Variants in BICDL1 observed in about 807,000 individuals in gnomAD.
The protein encoded by BICDL1 is BICD family like cargo adaptor 1.
BICDL1 carries 20 observed loss-of-function variants against 76.8 expected under a neutral mutation model. That is an observed-to-expected ratio of 0.26 (90% CI 0.18 to 0.38). The LOEUF (loss-of-function observed/expected upper bound fraction) is 0.38, where lower values mean the gene tolerates loss of function less well. BICDL1 is among the 10% of genes least tolerant of loss of function. The probability of loss-of-function intolerance (pLI) is 1.00; values close to 1 mark genes in which losing one functional copy is unlikely to be tolerated. For missense variants in BICDL1, 700 were observed against 798.6 expected, an observed-to-expected ratio of 0.88 and a Z score of 1.49; for synonymous variants, 383 against 337.1, an observed-to-expected ratio of 1.14 and a Z score of -1.49.
At chr12:120,034,504 C>T (rs148542549) in intron 2 of BICDL1, among the ~76,000 whole-genome samples, 4 of 152,278 alleles carry the variant, frequency 2.6e-5, no homozygotes, top group Admixed American at 6.5e-5. Flanking sequence ...CTTTATGACC[C>T]GTTTTGGGAT....
intron 2 of BICDL1, among the ~76,000 whole-genome samples, chr12:120,058,652 G>A (rs562313790): frequency 8.2e-4 from 121 of 148,072 alleles, no homozygotes; most frequent in African/African-American, 2.6e-3. Context: ...GTGCAGTGGC[G>A]CGATCTTGGC....
At chr12:120,065,273 C>T (rs1207502493) in intron 4 of BICDL1, among the ~76,000 whole-genome samples, 5 of 152,300 alleles carry the variant, frequency 3.3e-5, no homozygotes, top group African/African-American at 1.2e-4. Flanking sequence ...GCTGTCTTCC[C>T]AAGCTCATGG....
chr12:120,064,658 G>A, intron 3 of BICDL1, 75 bp from the exon 4 acceptor site: 1 of 1,431,506 alleles, frequency 7.0e-7, no homozygotes. Flanking sequence ...TTCATGTTTT[G>A]GGGCTAGTCC....
At position 120,092,809 on chromosome 12, in the gene BICDL1, A is replaced by G. The variant is rs377270187; in HGVS notation, c.1705-191A>G. 1.5e-5 allele frequency: 15 copies of G among 985,332 alleles called. No individual in the cohort carries two copies. In the South Asian group the frequency reaches 5.6e-4, roughly 37 times the overall value. 61.0% of individuals were successfully genotyped at this position (985,332 alleles called of 1,614,324 possible). ...CAAGCCTGAGGAGGCTGGAGGTGCC[A>G]TACGGCTCCTGCGTGCGCCTGGTGT... On this transcript the variant is annotated intron_variant, in intron 9 of 9. Coordinates refer to ENST00000548673, the MANE Select transcript of BICDL1 (RefSeq NM_001367886.1).
intron 2 of BICDL1, among the ~76,000 whole-genome samples, chr12:120,016,758 A>G (rs1952071019): frequency 6.6e-6 from 1 of 151,976 alleles, no homozygotes; most frequent in East Asian, 1.9e-4. Context: ...ACTTATTTTC[A>G]AAGAAGCTTG....
chr12:120,089,153 C>G (rs890311933), intron 8 of BICDL1, among the ~76,000 whole-genome samples: 1 of 152,242 alleles, frequency 6.6e-6, no homozygotes, highest in Non-Finnish European at 1.5e-5. Flanking sequence ...GGACAAGGTT[C>G]CTGCCTTCCA....
At chr12:120,008,136 G>A (rs1015801141) in intron 2 of BICDL1, among the ~76,000 whole-genome samples, 2 of 142,148 alleles carry the variant, frequency 1.4e-5, no homozygotes, top group African/African-American at 5.2e-5. Flanking sequence ...TGGAAGTCAT[G>A]ATAATTACTC....
chr12:120,025,190 A>G (rs1468458902), intron 2 of BICDL1, among the ~76,000 whole-genome samples: 1 of 151,730 alleles, frequency 6.6e-6, no homozygotes, highest in Non-Finnish European at 1.5e-5. Context: ...AGCTGGGACT[A>G]CAGGCGCCCG....
At chr12:120,021,766 G>A (rs916067338) in intron 2 of BICDL1, among the ~76,000 whole-genome samples, 4 of 149,826 alleles carry the variant, frequency 2.7e-5, no homozygotes, top group Non-Finnish European at 4.5e-5. Flanking sequence ...TTAGCTGGGC[G>A]TGGTGGCGCA....
At chr12:120,092,205 G>A (rs1339714990) in intron 9 of BICDL1, 2 of 985,338 alleles carry the variant, frequency 2.0e-6, no homozygotes, top group Admixed American at 1.2e-4. Flanking sequence ...GAGTGGAGCT[G>A]CCCTGTCCAC....
At chr12:120,045,775 G>C (rs1017048215) in intron 2 of BICDL1, among the ~76,000 whole-genome samples, 88 of 145,408 alleles carry the variant, frequency 6.1e-4, no homozygotes, top group African/African-American at 2.2e-3. Context: ...GTTGTGGGAT[G>C]GGGGGAGGGG....
chr12:120,081,145 A>ACCCCCG (rs1566266531), intron 8 of BICDL1, 128 bp downstream of exon 8: 1 of 533,400 alleles, frequency 1.9e-6, no homozygotes, highest in Admixed American at 3.9e-5. Flanking sequence ...CCCGCTACCC[A>ACCCCCG]CCCCCACCCC....
In BICDL1 at chr12:120,061,745, C is replaced by G; in HGVS notation, c.681C>G (p.Val227=). 2 of 1,614,162 alleles carry G rather than the reference C, an allele frequency of 1.2e-6. No homozygotes were observed. The highest frequency in any genetic ancestry group is 1.7e-6 in the Non-Finnish European group (2 of 1,179,996). The part of the protein sequence containing the change: ...SEVERQLSMQ[V]HALREDFREK... ...TTGAGAGACAACTCTCCATGCAGGT[C>G]CACGCCCTCAGAGAAGACTTTCGGG... Residue 227 remains valine, a synonymous_variant, in exon 3 of 10, where the codon GTC becomes GTG. Transcript: ENST00000548673.
At chr12:120,092,789 C>T (rs566576935) in intron 9 of BICDL1, 1 of 985,466 alleles carries the variant, frequency 1.0e-6, no homozygotes, top group East Asian at 1.1e-4. Context: ...CAGCCCAAGC[C>T]TGAGGAGGCT....
At chr12:120,004,141 C>T (rs889347232) in intron 2 of BICDL1, among the ~76,000 whole-genome samples, 1 of 152,154 alleles carries the variant, frequency 6.6e-6, no homozygotes, top group Non-Finnish European at 1.5e-5. Context: ...GAGTAAAACT[C>T]GAGAATTCAC....
At chr12:120,044,664 A>T (rs1416210045) in intron 2 of BICDL1, among the ~76,000 whole-genome samples, 1 of 152,204 alleles carries the variant, frequency 6.6e-6, no homozygotes, top group African/African-American at 2.4e-5. Context: ...TAAATAGGGA[A>T]TCCTTTCCCC....
intron 2 of BICDL1, chr12:120,000,661 C>T (rs1951740997): frequency 6.6e-6 from 1 of 151,880 alleles, no homozygotes; most frequent in South Asian, 2.1e-4. Context: ...CAGACTCTGC[C>T]CCGTGAAAGA....
intron 2 of BICDL1, among the ~76,000 whole-genome samples, chr12:120,052,420 T>C (rs1410118169): frequency 1.3e-5 from 2 of 152,180 alleles, no homozygotes; most frequent in Non-Finnish European, 2.9e-5. Context: ...TTGAAGACTA[T>C]TGATCAATTA....
At chr12:120,011,947 C>T (rs1028325891) in intron 2 of BICDL1, among the ~76,000 whole-genome samples, 1 of 152,168 alleles carries the variant, frequency 6.6e-6, no homozygotes, top group Non-Finnish European at 1.5e-5. Flanking sequence ...CAGTAAAACA[C>T]GGAGATTGAA....
Sources: gnomAD v4.1 joint callset for allele counts (sites outside exome capture counted in the v4.1 genomes callset) on GRCh38, gnomAD v4.1.1 for gene constraint, MANE v1.5 for transcripts, NCBI Gene and HGNC (gene_info 2026-07-23, HGNC 2026-07-21) for gene names.